CACNA2D3: variants seen among roughly 807,000 people sequenced by gnomAD.
CACNA2D3 encodes voltage-dependent calcium channel subunit alpha-2/delta-3.
In CACNA2D3, 60 loss-of-function variants were observed where a neutral mutation model predicts 160.6. That is an observed-to-expected ratio of 0.37 (90% CI 0.30 to 0.46). The LOEUF (loss-of-function observed/expected upper bound fraction) is 0.46. CACNA2D3 is among the 20% of genes least tolerant of loss of function. CACNA2D3 has a pLI of 1.00. For synonymous variants in CACNA2D3, 558 were observed against 492.9 expected, an observed-to-expected ratio of 1.13 and a Z score of -1.75; for missense variants, 1,205 against 1,365.0, an observed-to-expected ratio of 0.88 and a Z score of 1.85.
rs532065191 is a variant in CACNA2D3, at chr3:54,169,067, A to C, written c.204+45473A>C. On this transcript the variant is annotated intron_variant, in intron 2 of 37. Transcript: ENST00000474759. ...AACATGCCATCACAACTGGCAGGGAAATGTTGCTTATCCTGAGTCTGCTTG... is the reference window on the plus strand; with the variant it reads ...AACATGCCATCACAACTGGCAGGGACATGTTGCTTATCCTGAGTCTGCTTG... Among the ~76,000 whole-genome samples, 27 of 152,356 alleles carry C rather than the reference A, an allele frequency of 1.8e-4. No homozygotes were observed. In the Middle Eastern group the frequency reaches 0.014, roughly 77 times the overall value.
intron 11 of CACNA2D3, among the ~76,000 whole-genome samples, chr3:54,643,750 G>A (rs535194159): frequency 2.6e-5 from 4 of 152,288 alleles, no homozygotes; most frequent in South Asian, 2.1e-4. Context: ...TGTAGCACAC[G>A]GCCCAGTGCT....
rs1339377993 is a variant in CACNA2D3, at chr3:54,919,013, C to A, written c.2449+19145C>A. 4 of 764,962 alleles carry A rather than the reference C, an allele frequency of 5.2e-6. No homozygotes were observed. In the African/African-American group the frequency reaches 5.3e-5, roughly 10 times the overall value. The allele number at this position is 764,962 out of a possible 1,614,324, so 47.4% of individuals were successfully genotyped here. On this transcript the variant is annotated intron_variant, in intron 27 of 37. Transcript: ENST00000474759. ...GAAGTACCTTTTTTTTTTTTAAATC[C>A]TGGAGTCAAAGAATTTAACAACCAT...
At chr3:54,755,453 C>T (rs1177350628) in intron 12 of CACNA2D3, among the ~76,000 whole-genome samples, 5 of 152,172 alleles carry the variant, frequency 3.3e-5, no homozygotes, top group Non-Finnish European at 7.3e-5. Context: ...AAGCAAGGCT[C>T]AATTTCCTCA....
At chr3:54,760,132 A>G (rs1702053863) in intron 12 of CACNA2D3, among the ~76,000 whole-genome samples, 1 of 152,198 alleles carries the variant, frequency 6.6e-6, no homozygotes, top group Admixed American at 6.5e-5. Flanking sequence ...GTTAGAGAGA[A>G]CACAATAAGC....
intron 2 of CACNA2D3, among the ~76,000 whole-genome samples, chr3:54,146,597 G>T (rs548003090): frequency 3.3e-5 from 5 of 152,352 alleles, no homozygotes; most frequent in South Asian, 2.1e-4. Flanking sequence ...GTGGGGAAGG[G>T]GGGCGTGGCC....
In CACNA2D3 at chr3:54,125,242, TACACACACACAC is replaced by T. The variant is rs59950857; in HGVS notation, c.204+1669_204+1680del. Among the ~76,000 whole-genome samples the T allele has an allele frequency of 5.2e-3, 771 of 148,048 alleles. 8 individuals carry two copies. The highest frequency in any genetic ancestry group is 0.018 in the African/African-American group (735 of 39,872). ...ATGTTTTTTTCTTTCTCTTTGAAGT[TACACACACACAC>T]ACACACACACACACACACACTGCAC... On this transcript the variant is annotated intron_variant, in intron 2 of 37. Coordinates refer to ENST00000474759, the MANE Select transcript of CACNA2D3 (RefSeq NM_018398.3).
At chr3:54,706,787 A>G (rs780630382) in intron 11 of CACNA2D3, among the ~76,000 whole-genome samples, 11 of 152,314 alleles carry the variant, frequency 7.2e-5, no homozygotes, top group Non-Finnish European at 1.3e-4. Flanking sequence ...ACATTTTTGC[A>G]CTGACTGTGC....
intron 2 of CACNA2D3, among the ~76,000 whole-genome samples, chr3:54,161,287 G>A (rs553301196): frequency 9.2e-5 from 14 of 152,292 alleles, no homozygotes; most frequent in Non-Finnish European, 1.3e-4. Flanking sequence ...TTACACTGCC[G>A]TGGCCATACC....
At chr3:54,815,590 T>C (rs1025796581) in intron 13 of CACNA2D3, among the ~76,000 whole-genome samples, 1 of 152,254 alleles carries the variant, frequency 6.6e-6, no homozygotes, top group Non-Finnish European at 1.5e-5. Context: ...GAAAGTCTAC[T>C]GTCACAATTC....
intron 24 of CACNA2D3, among the ~76,000 whole-genome samples, chr3:54,890,482 C>A (rs2703019): frequency 0.76 from 105,849 of 140,034 alleles, 40,398 homozygotes; most frequent in East Asian, 0.88. Context: ...GGTGACAGAG[C>A]CAGACTCCGT....
At chr3:54,393,319 T>G (rs1699314792) in intron 4 of CACNA2D3, among the ~76,000 whole-genome samples, 1 of 152,204 alleles carries the variant, frequency 6.6e-6, no homozygotes, top group Non-Finnish European at 1.5e-5. Flanking sequence ...AGCTGCACTT[T>G]CCCCAGAGAA....
chr3:54,459,916 T>G (rs953274657), intron 4 of CACNA2D3, among the ~76,000 whole-genome samples: 1 of 152,244 alleles, frequency 6.6e-6, no homozygotes, highest in Non-Finnish European at 1.5e-5. Flanking sequence ...GTCTAACATT[T>G]AAGTCTTTAA....
intron 35 of CACNA2D3, among the ~76,000 whole-genome samples, chr3:55,067,296 C>T (rs890495896): frequency 6.6e-6 from 1 of 152,126 alleles, no homozygotes; most frequent in East Asian, 1.9e-4. Context: ...CGTTCCAGCA[C>T]GAGACAGACA....
intron 5 of CACNA2D3, among the ~76,000 whole-genome samples, chr3:54,519,306 A>G (rs993275139): frequency 3.3e-5 from 5 of 152,216 alleles, no homozygotes; most frequent in Admixed American, 2.0e-4. Flanking sequence ...GGGCTGTAAG[A>G]AAGCGGGGTT....
At chr3:54,776,727 CTG>C (rs1303716493) in intron 13 of CACNA2D3, among the ~76,000 whole-genome samples, 2 of 152,120 alleles carry the variant, frequency 1.3e-5, no homozygotes, top group African/African-American at 4.8e-5. Flanking sequence ...TTCCTATTCT[CTG>C]AGCCCCAGGC....
intron 17 of CACNA2D3, among the ~76,000 whole-genome samples, chr3:54,854,756 A>G (rs1699129984): frequency 6.6e-6 from 1 of 152,152 alleles, no homozygotes; most frequent in Non-Finnish European, 1.5e-5. Context: ...ATGATTTAAA[A>G]AATTAAATTA....
At chr3:54,865,359 G>T (rs911652638) in intron 17 of CACNA2D3, among the ~76,000 whole-genome samples, 1 of 152,228 alleles carries the variant, frequency 6.6e-6, no homozygotes, top group African/African-American at 2.4e-5. Flanking sequence ...AACACCAAAT[G>T]CCCAAAGTAC....
intron 4 of CACNA2D3, among the ~76,000 whole-genome samples, chr3:54,418,215 A>G (rs1699785613): frequency 6.6e-6 from 1 of 152,156 alleles, no homozygotes; most frequent in Non-Finnish European, 1.5e-5. Flanking sequence ...AATACTCAGA[A>G]CCAGATTAAG....
At chr3:54,326,899 G>A (rs1188638804) in intron 3 of CACNA2D3, among the ~76,000 whole-genome samples, 1 of 152,162 alleles carries the variant, frequency 6.6e-6, no homozygotes, top group Non-Finnish European at 1.5e-5. Context: ...GATAGAGGGA[G>A]GAGACTATTA....
Sources: gnomAD v4.1 joint callset for allele counts (sites outside exome capture counted in the v4.1 genomes callset) on GRCh38, gnomAD v4.1.1 for gene constraint, MANE v1.5 for transcripts, NCBI Gene and HGNC (gene_info 2026-07-23, HGNC 2026-07-21) for gene names.